Variants in TEX15 observed in about 807,000 individuals in gnomAD.
TEX15 encodes the protein testis expressed 15, meiosis and synapsis associated, also known as testis-expressed protein 15.
A neutral mutation model predicts 237.3 loss-of-function variants in TEX15; 171 were observed. The ratio of observed to expected loss-of-function variants is 0.72; its 90% CI spans 0.64 to 0.82. TEX15 has a LOEUF of 0.82. TEX15 is among the 40% of genes least tolerant of loss of function. The probability of loss-of-function intolerance (pLI) is 0.00; values close to 1 mark genes in which losing one functional copy is unlikely to be tolerated. For synonymous variants in TEX15, 1,338 were observed against 1,269.8 expected, an observed-to-expected ratio of 1.05 and a Z score of -1.14; for missense variants, 3,750 against 3,646.5, an observed-to-expected ratio of 1.03 and a Z score of -0.73.
rs904004299 is a variant in TEX15, at chr8:30,887,194, G to A, written c.109C>T (p.Pro37Ser). Residue 37 changes from proline to serine, a missense_variant, in exon 3 of 11, where the codon CCT (proline) becomes TCT (serine). Coordinates refer to ENST00000643185, the MANE Select transcript of TEX15 (RefSeq NM_001350162.2). ...TTCTCAGCTGTCCTCCTGATCTTAG[G>A]AATGGTGAATTTCTTCAAAGGATTG... ...EVNPLKKFTI[P>S]KIRRTAEKVY... 6.5e-7 allele frequency: 1 copy of A among 1,534,670 alleles called. No individual in the cohort carries two copies. Among genetic ancestry groups the A allele is most frequent in the Non-Finnish European group, 8.7e-7 (1 of 1,146,488 alleles).
chr8:30,908,281 G>A (rs576836266), intron 1 of TEX15, among the ~76,000 whole-genome samples: 12 of 152,004 alleles, frequency 7.9e-5, no homozygotes, highest in African/African-American at 2.7e-4. Flanking sequence ...GGTGGTCTCC[G>A]ACTTCTGGAC....
intron 3 of TEX15, among the ~76,000 whole-genome samples, chr8:30,885,311 T>C (rs192821232): frequency 9.8e-4 from 149 of 152,276 alleles, no homozygotes; most frequent in African/African-American, 3.3e-3. Context: ...GGCAAGTCTT[T>C]CCCGTGCTAT....
At chr8:30,891,085 T>C (rs1030380375) in intron 2 of TEX15, among the ~76,000 whole-genome samples, 2 of 152,244 alleles carry the variant, frequency 1.3e-5, no homozygotes, top group Admixed American at 6.5e-5. Flanking sequence ...ATCATTTTTT[T>C]TCCTTTGAGA....
intron 1 of TEX15, among the ~76,000 whole-genome samples, chr8:30,906,209 A>G (rs1393460047): frequency 2.0e-5 from 3 of 152,186 alleles, no homozygotes; most frequent in Non-Finnish European, 4.4e-5. Flanking sequence ...TTTAATGTTA[A>G]TCATCTAACA....
At chr8:30,883,029 C>G (rs951758920) in intron 3 of TEX15, among the ~76,000 whole-genome samples, 2 of 152,164 alleles carry the variant, frequency 1.3e-5, no homozygotes, top group Non-Finnish European at 2.9e-5. Flanking sequence ...CCTTGGCCTT[C>G]CAAAGTGCTG....
chr8:30,873,215 G>C (rs983991612), intron 4 of TEX15, among the ~76,000 whole-genome samples: 7 of 152,088 alleles, frequency 4.6e-5, no homozygotes, highest in African/African-American at 9.7e-5. Flanking sequence ...CAACAGATTT[G>C]TGCTTTACCA....
intron 3 of TEX15, 28 bp from the exon 4 acceptor site, chr8:30,875,130 GTATTTAAAATGACATTA>G (rs1308652370): frequency 1.6e-6 from 2 of 1,223,742 alleles, no homozygotes; most frequent in Non-Finnish European, 2.0e-6. Context: ...GAAAGCAGTT[GTATTTAAAATGACATTA>G]TTGGACATCT....
chr8:30,893,768 G>T (rs966973685), intron 2 of TEX15, among the ~76,000 whole-genome samples: 1 of 152,070 alleles, frequency 6.6e-6, no homozygotes, highest in South Asian at 2.1e-4. Context: ...CTTATGTCCT[G>T]CATTTTCATC....
Position 30,846,428 on chromosome 8 carries a change from T to C in TEX15, c.3739A>G (p.Thr1247Ala). ...TTTTCAGACGTATGATTCACATCTG[T>C]ATTACGACTCAAGTCAAAAGAAAGG... The part of the protein sequence containing the change: ...ISLSFDLSRN[T>A]DVNHTSENQN... Residue 1247 changes from threonine to alanine, a missense_variant, in exon 8 of 11, where the codon ACA becomes GCA. Physicochemically the swap from Thr to Ala is moderately conservative, Grantham distance 58 (BLOSUM62 0). Transcript: ENST00000643185. 4 of 1,613,462 alleles carry C rather than the reference T, an allele frequency of 2.5e-6. No homozygotes were observed. The highest frequency in any genetic ancestry group is 3.4e-6 in the Non-Finnish European group (4 of 1,179,724).
At chr8:30,852,100 CTTTTT>C (rs910989172) in intron 7 of TEX15, among the ~76,000 whole-genome samples, 38 of 90,426 alleles carry the variant, frequency 4.2e-4, no homozygotes, top group African/African-American at 2.0e-3. Context: ...TTAATTTAAT[CTTTTT>C]TTTTTTTTTT....
At chr8:30,835,619 G>A (rs1273447183) in intron 10 of TEX15, among the ~76,000 whole-genome samples, 2 of 151,896 alleles carry the variant, frequency 1.3e-5, no homozygotes, top group Non-Finnish European at 2.9e-5. Context: ...ATTAAAAGAT[G>A]GTTATTTTTA....
At chr8:30,866,514 A>C (rs918281418) in intron 5 of TEX15, among the ~76,000 whole-genome samples, 1 of 152,156 alleles carries the variant, frequency 6.6e-6, no homozygotes, top group Non-Finnish European at 1.5e-5. Context: ...AGCACACTTT[A>C]TATCATCTTG....
intron 10 of TEX15, among the ~76,000 whole-genome samples, chr8:30,836,141 T>C (rs1021478471): frequency 2.0e-5 from 3 of 151,634 alleles, no homozygotes; most frequent in African/African-American, 2.4e-5. Context: ...GTTTACATGA[T>C]ATAGTTTTAA....
At chr8:30,836,642 C>T (rs1807307185) in intron 10 of TEX15, among the ~76,000 whole-genome samples, 161 bp downstream of exon 10, 1 of 151,998 alleles carries the variant, frequency 6.6e-6, no homozygotes, top group Admixed American at 6.6e-5. Flanking sequence ...ACTAGATTTC[C>T]ACCCTCTCTG....
At chr8:30,849,513 T>C (rs1807720824) in intron 7 of TEX15, among the ~76,000 whole-genome samples, 197 bp from the exon 8 acceptor site, 1 of 152,150 alleles carries the variant, frequency 6.6e-6, no homozygotes, top group African/African-American at 2.4e-5. Flanking sequence ...TGACGTAGCA[T>C]GAAATTCTCC....
At chr8:30,885,358 G>A (rs1295821470) in intron 3 of TEX15, among the ~76,000 whole-genome samples, 1 of 152,084 alleles carries the variant, frequency 6.6e-6, no homozygotes, top group Non-Finnish European at 1.5e-5. Context: ...AGATCTGATG[G>A]TTTTAAAAAC....
rs1288993524 is a variant in TEX15 at position 30,898,835 on chromosome 8, A to G, written c.-85-18T>C. 1 of 152,208 alleles carries G rather than the reference A, an allele frequency of 6.6e-6. No homozygotes were observed. The highest frequency in any genetic ancestry group is 6.5e-5 in the Admixed American group (1 of 15,272). 9.4% of individuals were successfully genotyped at this position (152,208 alleles called of 1,614,324 possible). A position where few individuals can be genotyped will look rare whatever the true frequency, so the allele number is the denominator to read the frequency against. On this transcript the variant is annotated intron_variant, in intron 1 of 10. Transcript: ENST00000643185. Reference sequence around the variant, plus strand: ...GGGAACATCTACAAAATAAAAATAAAAACAGAAACATGTAGAGAATTATGA... The same window carrying G: ...GGGAACATCTACAAAATAAAAATAAGAACAGAAACATGTAGAGAATTATGA...
chr8:30,848,500 T>C lies in TEX15; in HGVS notation c.1667A>G (p.His556Arg), dbSNP rs1482945460. Residue 556 changes from histidine (H) to arginine (R), a missense_variant, in exon 8 of 11, where the codon CAC becomes CGC. His to Arg is a conservative substitution (Grantham distance 29, BLOSUM62 0). Transcript: ENST00000643185. ...NVVSEVENQN[H>R]SEEKAQRAQQ... The stretch of plus-strand genomic sequence containing the variant: ...GGCTCTCTGAGCCTTCTCCTCACTG[T>C]GGTTTTGGTTCTCAACCTCTGACAC... 2 of 1,614,156 alleles carry C rather than the reference T, an allele frequency of 1.2e-6. No homozygotes were observed. The highest frequency in any genetic ancestry group is 8.5e-7 in the Non-Finnish European group (1 of 1,180,004).
intron 4 of TEX15, among the ~76,000 whole-genome samples, chr8:30,870,675 T>G (rs1377626796): frequency 6.6e-6 from 1 of 152,016 alleles, no homozygotes; most frequent in Non-Finnish European, 1.5e-5. Flanking sequence ...AAGTGCAATA[T>G]AAGAACCAAA....
Sources: gnomAD v4.1 joint callset for allele counts (sites outside exome capture counted in the v4.1 genomes callset) on GRCh38, gnomAD v4.1.1 for gene constraint, MANE v1.5 for transcripts, NCBI Gene and HGNC (gene_info 2026-07-23, HGNC 2026-07-21) for gene names.